STX7: variants seen among roughly 807,000 people sequenced by gnomAD.
STX7 encodes the protein syntaxin-7.
Under a neutral mutation model 39.6 loss-of-function variants are expected in STX7, and 34 were observed. The observed-to-expected ratio is 0.86, with a 90% CI of 0.65 to 1.14. The LOEUF (loss-of-function observed/expected upper bound fraction) is 1.14. Ranked by LOEUF, STX7 falls within the 50% of genes most tolerant of loss-of-function variation. The pLI, the probability that STX7 is intolerant of heterozygous loss-of-function variation, is 0.00. For missense variants in STX7, 284 were observed against 310.4 expected (o/e 0.92, Z 0.64); for synonymous variants, 119 against 99.1 (o/e 1.20, Z -1.19).
rs1435821800 is a variant in STX7, at chr6:132,456,974, C to A, written c.*3784G>T. Reference sequence around the variant, plus strand: ...ATGAGTTTCACAGCAGTTTCAAAATCTCTTGCAAGGCACTGGCTTTGGAGC... The same window carrying A: ...ATGAGTTTCACAGCAGTTTCAAAATATCTTGCAAGGCACTGGCTTTGGAGC... On this transcript the variant is annotated 3_prime_UTR_variant, in exon 10 of 10. Transcript: ENST00000367941. The A allele has an allele frequency of 6.6e-6, 1 of 152,334 alleles. No homozygotes were observed. Among genetic ancestry groups the A allele is most frequent in the East Asian group, 1.9e-4 (1 of 5,202 alleles). 9.4% of individuals were successfully genotyped at this position (152,334 alleles called of 1,614,324 possible).
intron 2 of STX7, among the ~76,000 whole-genome samples, chr6:132,490,256 C>T (rs1775245725): frequency 6.6e-6 from 1 of 152,204 alleles, no homozygotes; most frequent in Non-Finnish European, 1.5e-5. Context: ...CAATAATTCT[C>T]CTACTGCTCC....
chr6:132,509,241 C>T (rs1042310502), intron 1 of STX7, among the ~76,000 whole-genome samples: 7 of 151,982 alleles, frequency 4.6e-5, no homozygotes, highest in Admixed American at 1.3e-4. Context: ...AGGCAGATGA[C>T]AAGGTCAAGA....
At position 132,455,634 on chromosome 6, in the gene STX7, T is replaced by C. The variant is rs1455652901; in HGVS notation, c.*5124A>G. Reference sequence around the variant, plus strand: ...CCTACGGGAATCCCACTCTAAGCAATTAAGTGACCAACCTCTTAAAAACTT... The same window carrying C: ...CCTACGGGAATCCCACTCTAAGCAACTAAGTGACCAACCTCTTAAAAACTT... On this transcript the variant is annotated 3_prime_UTR_variant, in exon 10 of 10. Coordinates refer to ENST00000367941, the MANE Select transcript of STX7 (RefSeq NM_003569.3). The C allele has an allele frequency of 6.6e-6, 1 of 152,176 alleles. No individual in the cohort carries two copies. Among genetic ancestry groups the C allele is most frequent in the African/African-American group, 2.4e-5 (1 of 41,432 alleles). 9.4% of individuals were successfully genotyped at this position (152,176 alleles called of 1,614,324 possible).
chr6:132,477,725 A>G (rs903686697), intron 2 of STX7, among the ~76,000 whole-genome samples: 1 of 152,174 alleles, frequency 6.6e-6, no homozygotes, highest in Non-Finnish European at 1.5e-5. Flanking sequence ...TAAATGTTAT[A>G]CAAAAAATGT....
chr6:132,471,611 G>C lies in STX7; in HGVS notation c.250-11C>G. 1 of 1,605,640 alleles carries C rather than the reference G, an allele frequency of 6.2e-7. No homozygotes were observed. Among genetic ancestry groups the C allele is most frequent in the South Asian group, 1.1e-5 (1 of 89,054 alleles). ...TATTTTCCTTTGACGCTAGAGGAAA[G>C]AGAAGAAAAAGCCAACTAGAATCTA... On this transcript the variant is annotated splice_polypyrimidine_tract_variant and intron_variant, in intron 4 of 9. Transcript: ENST00000367941.
intron 2 of STX7, among the ~76,000 whole-genome samples, chr6:132,494,054 G>T (rs541981264): frequency 6.6e-6 from 1 of 152,222 alleles, no homozygotes; most frequent in South Asian, 2.1e-4. Flanking sequence ...TTATCACATG[G>T]TCACCATGAC....
rs372089065 is a variant in STX7 at position 132,497,302 on chromosome 6, G to A, written c.85+6144C>T. 1.1e-4 allele frequency among the ~76,000 whole-genome samples: 17 copies of A among 151,830 alleles called. No individual in the cohort carries two copies. In the South Asian group the frequency reaches 3.5e-3, roughly 32 times the overall value. On this transcript the variant is annotated intron_variant, in intron 2 of 9. Coordinates refer to ENST00000367941, the MANE Select transcript of STX7 (RefSeq NM_003569.3). ...GAATCCCACAAACATAATGAAAGAA[G>A]CCCAACATAAAATAATTCTATTTGA...
chr6:132,485,518 G>A (rs1439503769), intron 2 of STX7, among the ~76,000 whole-genome samples: 2 of 152,126 alleles, frequency 1.3e-5, no homozygotes, highest in African/African-American at 4.8e-5. Context: ...TTTAATTTTT[G>A]TGTGTGGATA....
Position 132,449,162 on chromosome 6 carries a change from AT to A in STX7, c.*11595del. On this transcript the variant is annotated 3_prime_UTR_variant, in exon 10 of 10. Transcript: ENST00000367941. Reference sequence around the variant, plus strand: ...GCCACCATGCCTGGCTAATTTTTGTATTTTTTGTACAGATGGAGTTTCACCA... The same window carrying A: ...GCCACCATGCCTGGCTAATTTTTGTATTTTTGTACAGATGGAGTTTCACCA... 6.6e-6 allele frequency: 1 copy of A among 151,888 alleles called. No individual in the cohort carries two copies. The highest frequency in any genetic ancestry group is 1.5e-5 in the Non-Finnish European group (1 of 68,458). The allele number at this position is 151,888 out of a possible 1,614,324, so 9.4% of individuals were successfully genotyped here.
chr6:132,473,991 A>G (rs1431701707), intron 3 of STX7, among the ~76,000 whole-genome samples: 4 of 151,496 alleles, frequency 2.6e-5, no homozygotes, highest in Non-Finnish European at 4.4e-5. Context: ...GCACTCTGGG[A>G]GGGTGAGGTG....
intron 7 of STX7, among the ~76,000 whole-genome samples, chr6:132,469,061 G>A (rs367687687): frequency 6.6e-5 from 10 of 152,180 alleles, no homozygotes; most frequent in East Asian, 3.9e-4. Context: ...GTTTTTATAA[G>A]GACTAAATGA....
intron 3 of STX7, among the ~76,000 whole-genome samples, chr6:132,472,941 TG>T (rs1435915048): frequency 6.6e-6 from 1 of 152,194 alleles, no homozygotes; most frequent in African/African-American, 2.4e-5. Flanking sequence ...GCGGATCACT[TG>T]AGGCCAGGAA....
At chr6:132,506,044 C>A (rs918292516) in intron 1 of STX7, among the ~76,000 whole-genome samples, 1 of 149,358 alleles carries the variant, frequency 6.7e-6, no homozygotes, top group Admixed American at 6.7e-5. Context: ...TCGCCCCATG[C>A]GGAAGAGTGA....
intron 3 of STX7, 94 bp downstream of exon 3, chr6:132,475,499 C>T (rs1422895321): frequency 2.8e-6 from 2 of 719,850 alleles, no homozygotes; most frequent in African/African-American, 3.7e-5. Flanking sequence ...ATTTTTTCTT[C>T]CAGTAAACAT....
chr6:132,502,888 G>A (rs1775610764), intron 2 of STX7, among the ~76,000 whole-genome samples: 1 of 151,890 alleles, frequency 6.6e-6, no homozygotes, highest in African/African-American at 2.4e-5. Context: ...GACAGAGTGA[G>A]GCTGTCTCTA....
chr6:132,512,202 T>C (rs942512556), intron 1 of STX7, among the ~76,000 whole-genome samples: 3 of 152,170 alleles, frequency 2.0e-5, no homozygotes, highest in Non-Finnish European at 4.4e-5. Flanking sequence ...GCAAGTTTTA[T>C]ATATTATATA....
intron 1 of STX7, among the ~76,000 whole-genome samples, chr6:132,512,735 G>A (rs1174773454): frequency 1.3e-5 from 2 of 152,130 alleles, no homozygotes; most frequent in African/African-American, 4.8e-5. Flanking sequence ...ACCGCGGCGG[G>A]TGCGTGGCTG....
In STX7 at chr6:132,509,976, C is replaced by T. The variant is rs926498504; in HGVS notation, c.-59+3031G>A. Among the ~76,000 whole-genome samples, 7 of 152,158 alleles carry T rather than the reference C, an allele frequency of 4.6e-5. No homozygotes were observed. In the South Asian group the frequency reaches 1.0e-3, roughly 23 times the overall value. Reference sequence around the variant, plus strand: ...CCCACTCAGAATTCCTATTTAATTGCTCAGAATAATAATTATATAATTCAT... The same window carrying T: ...CCCACTCAGAATTCCTATTTAATTGTTCAGAATAATAATTATATAATTCAT... On this transcript the variant is annotated intron_variant, in intron 1 of 9. Transcript: ENST00000367941.
chr6:132,478,220 G>C (rs1479111292), intron 2 of STX7, among the ~76,000 whole-genome samples: 3 of 151,300 alleles, frequency 2.0e-5, no homozygotes, highest in African/African-American at 7.3e-5. Context: ...GCCAAGAATA[G>C]GAACTTTAAT....
Sources: gnomAD v4.1 joint callset for allele counts (sites outside exome capture counted in the v4.1 genomes callset) on GRCh38, gnomAD v4.1.1 for gene constraint, MANE v1.5 for transcripts, NCBI Gene and HGNC (gene_info 2026-07-23, HGNC 2026-07-21) for gene names.